Variants in TNFRSF21 observed in about 807,000 individuals in gnomAD.
TNFRSF21 encodes the protein TNF receptor superfamily member 21.
Under a neutral mutation model 45.6 loss-of-function variants are expected in TNFRSF21, and 19 were observed. The ratio of observed to expected loss-of-function variants is 0.42; its 90% CI spans 0.29 to 0.61. TNFRSF21 has a LOEUF of 0.61. Among genes scored for constraint, TNFRSF21 ranks in the 20% least tolerant of loss-of-function variants. The probability of loss-of-function intolerance (pLI) is 0.23; values close to 1 mark genes in which losing one functional copy is unlikely to be tolerated. For missense variants in TNFRSF21, 737 were observed against 851.5 expected, an observed-to-expected ratio of 0.87 and a Z score of 1.67; for synonymous variants, 314 against 335.5, an observed-to-expected ratio of 0.94 and a Z score of 0.70.
At chr6:47,288,459 C>G (rs1762677864) in intron 1 of TNFRSF21, among the ~76,000 whole-genome samples, 1 of 151,862 alleles carries the variant, frequency 6.6e-6, no homozygotes, top group Non-Finnish European at 1.5e-5. Flanking sequence ...ATGCTGGTTA[C>G]TGGAGTGTGT....
chr6:47,294,860 T>C lies in TNFRSF21; in HGVS notation c.97-8265A>G, dbSNP rs569590896. On this transcript the variant is annotated intron_variant, in intron 1 of 5. Transcript: ENST00000296861. Reference sequence around the variant, plus strand: ...CTCTTATTTCTTTAAAAAAAGATGATACTAACTTGGTGATTAGAATTATAA... The same window carrying C: ...CTCTTATTTCTTTAAAAAAAGATGACACTAACTTGGTGATTAGAATTATAA... Among the ~76,000 whole-genome samples, 14 of 152,302 alleles carry C rather than the reference T, an allele frequency of 9.2e-5. No homozygotes were observed. In the East Asian group the frequency reaches 2.5e-3, roughly 27 times the overall value.
chr6:47,267,760 C>G (rs1231566066), intron 3 of TNFRSF21, among the ~76,000 whole-genome samples: 1 of 152,094 alleles, frequency 6.6e-6, no homozygotes, highest in East Asian at 1.9e-4. Context: ...AGGCCTGGCA[C>G]CATGGCATAG....
At chr6:47,293,927 T>A (rs1762762594) in intron 1 of TNFRSF21, among the ~76,000 whole-genome samples, 1 of 152,352 alleles carries the variant, frequency 6.6e-6, no homozygotes, top group East Asian at 1.9e-4. Flanking sequence ...GTTTAGCATG[T>A]CTTCCCCTGT....
chr6:47,289,257 A>C (rs1050796040), intron 1 of TNFRSF21, among the ~76,000 whole-genome samples: 45 of 152,178 alleles, frequency 3.0e-4, no homozygotes, highest in African/African-American at 1.1e-3. Flanking sequence ...TTTTTTTCAC[A>C]GTGATCAGAG....
At chr6:47,272,344 A>C (rs1051562585) in intron 3 of TNFRSF21, among the ~76,000 whole-genome samples, 9 of 152,230 alleles carry the variant, frequency 5.9e-5, no homozygotes, top group African/African-American at 9.7e-5. Context: ...TTAAATTAGA[A>C]CTCAGGATTA....
chr6:47,272,549 C>A (rs1762438318), intron 3 of TNFRSF21, among the ~76,000 whole-genome samples: 1 of 152,262 alleles, frequency 6.6e-6, no homozygotes, highest in East Asian at 1.9e-4. Flanking sequence ...ACTAAACACC[C>A]ACATGAGAAA....
At chr6:47,237,519 C>T (rs796873438) in intron 4 of TNFRSF21, among the ~76,000 whole-genome samples, 7 of 152,108 alleles carry the variant, frequency 4.6e-5, no homozygotes, top group African/African-American at 1.7e-4. Flanking sequence ...AGAACACCTA[C>T]AATAAGATTT....
intron 3 of TNFRSF21, among the ~76,000 whole-genome samples, chr6:47,258,383 A>G (rs571274804): frequency 4.0e-5 from 6 of 151,384 alleles, no homozygotes; most frequent in Admixed American, 2.0e-4. Context: ...AAAGAAAAAA[A>G]TAAAAGTAAT....
intron 1 of TNFRSF21, among the ~76,000 whole-genome samples, chr6:47,301,571 G>C: frequency 6.6e-6 from 1 of 152,326 alleles, no homozygotes; most frequent in African/African-American, 2.4e-5. Flanking sequence ...TGGGTCATGA[G>C]GTGGATCTGT....
At chr6:47,264,302 C>T (rs761608517) in intron 3 of TNFRSF21, among the ~76,000 whole-genome samples, 2 of 152,094 alleles carry the variant, frequency 1.3e-5, no homozygotes, top group Non-Finnish European at 2.9e-5. Context: ...CCAAGGCAGG[C>T]GGATCATTTG....
chr6:47,279,451 T>C (rs866882129), intron 3 of TNFRSF21, among the ~76,000 whole-genome samples: 7 of 152,344 alleles, frequency 4.6e-5, no homozygotes, highest in South Asian at 2.1e-4. Flanking sequence ...TTGCAGATCA[T>C]TGGTGACTTT....
intron 3 of TNFRSF21, among the ~76,000 whole-genome samples, chr6:47,266,298 A>G (rs551058809): frequency 1.3e-5 from 2 of 152,266 alleles, no homozygotes; most frequent in East Asian, 3.9e-4. Flanking sequence ...TTGGGGAAGG[A>G]AGGAAACATT....
Position 47,284,202 on chromosome 6 carries a change from G to T in TNFRSF21, c.979C>A (p.Pro327Thr). The change falls in exon 3 of 6, where the codon CCC becomes ACC. Residue 327 changes from proline to threonine, a missense_variant. Pro to Thr is a conservative substitution (Grantham distance 38). Coordinates refer to ENST00000296861, the MANE Select transcript of TNFRSF21 (RefSeq NM_014452.5). Reference sequence around the variant, plus strand: ...TGTCCCCTCTTGGGGCCCTTGATGGGCGTGCTGGACTTCTCGCCCCCAGTG... The same window carrying T: ...TGTCCCCTCTTGGGGCCCTTGATGGTCGTGCTGGACTTCTCGCCCCCAGTG... ...EATGGEKSST[P>T]IKGPKRGHPR... is the part of the protein sequence containing the mutation. 6.2e-7 allele frequency: 1 copy of T among 1,614,184 alleles called. No individual in the cohort carries two copies. The highest frequency in any genetic ancestry group is 8.5e-7 in the Non-Finnish European group (1 of 1,180,032).
intron 3 of TNFRSF21, among the ~76,000 whole-genome samples, chr6:47,258,694 T>A (rs1424313237): frequency 6.6e-6 from 1 of 152,120 alleles, no homozygotes; most frequent in Non-Finnish European, 1.5e-5. Flanking sequence ...CCACCTCAGC[T>A]TCCCAAAGTG....
chr6:47,302,427 G>A (rs979665369), intron 1 of TNFRSF21, among the ~76,000 whole-genome samples: 6 of 152,276 alleles, frequency 3.9e-5, no homozygotes, highest in Non-Finnish European at 5.9e-5. Flanking sequence ...ATGTCACACC[G>A]TTATTCACTA....
intron 1 of TNFRSF21, among the ~76,000 whole-genome samples, chr6:47,302,818 C>T (rs970782295): frequency 1.1e-4 from 17 of 152,168 alleles, no homozygotes; most frequent in African/African-American, 3.9e-4. Context: ...TGCACAAAGC[C>T]ACACTGACCT....
chr6:47,284,436 G>C lies in TNFRSF21; in HGVS notation c.749-4C>G. The C allele has an allele frequency of 1.3e-6, 2 of 1,509,652 alleles. No individual in the cohort carries two copies. Among genetic ancestry groups the C allele is most frequent in the Non-Finnish European group, 1.8e-6 (2 of 1,130,714 alleles). The allele number at this position is 1,509,652 out of a possible 1,614,324, so 93.5% of individuals were successfully genotyped here. A position where few individuals can be genotyped will look rare whatever the true frequency, so the allele number is the denominator to read the frequency against. On this transcript the variant is annotated splice_region_variant and splice_polypyrimidine_tract_variant and intron_variant, in intron 2 of 5. Transcript: ENST00000296861. ...TTGGATTCTGTTGAGTTCATGCCTA[G>C]AAAAAAGAGTAAGGAGGGGGGAAGA...
At chr6:47,267,122 A>G (rs905824352) in intron 3 of TNFRSF21, among the ~76,000 whole-genome samples, 3 of 150,584 alleles carry the variant, frequency 2.0e-5, no homozygotes, top group Non-Finnish European at 4.4e-5. Flanking sequence ...TTTTTGAGAC[A>G]GAGTCTCACT....
At chr6:47,305,499 C>T (rs992505737) in intron 1 of TNFRSF21, among the ~76,000 whole-genome samples, 1 of 152,110 alleles carries the variant, frequency 6.6e-6, no homozygotes, top group Non-Finnish European at 1.5e-5. Flanking sequence ...TAAAGTTCTG[C>T]TCGAATTTGC....
Sources: gnomAD v4.1 joint callset for allele counts (sites outside exome capture counted in the v4.1 genomes callset) on GRCh38, gnomAD v4.1.1 for gene constraint, MANE v1.5 for transcripts, NCBI Gene and HGNC (gene_info 2026-07-23, HGNC 2026-07-21) for gene names.